Variants in MSRB3 observed in about 807,000 individuals in gnomAD.
MSRB3 encodes the protein methionine-R-sulfoxide reductase B3.
Under a neutral mutation model 21.0 loss-of-function variants are expected in MSRB3, and 13 were observed. The ratio of observed to expected loss-of-function variants is 0.62; its 90% CI spans 0.40 to 0.98. MSRB3 has a LOEUF of 0.98. MSRB3 is among the 50% of genes least tolerant of loss of function. The pLI is 0.00. For synonymous variants in MSRB3, 87 were observed against 88.6 expected (o/e 0.98, Z 0.10); for missense variants, 199 against 230.3 (o/e 0.86, Z 0.88).
intron 6 of MSRB3, among the ~76,000 whole-genome samples, chr12:65,458,013 A>G (rs1032291194): frequency 1.3e-5 from 2 of 152,192 alleles, no homozygotes; most frequent in African/African-American, 4.8e-5. Context: ...TAAAAAATCT[A>G]TTAGATGCTT....
At chr12:65,454,503 T>C (rs1421522388) in intron 6 of MSRB3, among the ~76,000 whole-genome samples, 1 of 152,164 alleles carries the variant, frequency 6.6e-6, no homozygotes, top group Non-Finnish European at 1.5e-5. Flanking sequence ...CTTGCAGTTC[T>C]GTGTACCCAC....
At chr12:65,405,046 G>A (rs1488066620) in intron 5 of MSRB3, among the ~76,000 whole-genome samples, 2 of 151,748 alleles carry the variant, frequency 1.3e-5, no homozygotes, top group Non-Finnish European at 2.9e-5. Context: ...AGCCTCCTGG[G>A]TTCAAGCAAT....
At chr12:65,313,632 C>T (rs1006682634) in intron 2 of MSRB3, among the ~76,000 whole-genome samples, 11 of 152,190 alleles carry the variant, frequency 7.2e-5, no homozygotes, top group African/African-American at 2.6e-4. Flanking sequence ...ATCTAAAACT[C>T]GGATCAGAAC....
At chr12:65,303,699 C>T (rs537339542) in intron 1 of MSRB3, among the ~76,000 whole-genome samples, 79 of 152,096 alleles carry the variant, frequency 5.2e-4, no homozygotes, top group Admixed American at 4.8e-3. Context: ...CTGTCACTGT[C>T]GTTAAGGGGT....
intron 5 of MSRB3, among the ~76,000 whole-genome samples, chr12:65,440,449 A>AAG (rs1882319631): frequency 1.3e-5 from 2 of 152,032 alleles, no homozygotes; most frequent in South Asian, 4.1e-4. Context: ...ATCAATTAAG[A>AAG]AAATTAAGAA....
In MSRB3 at chr12:65,280,778, G is replaced by A. The variant is rs542206751; in HGVS notation, c.-52+1913G>A. Among the ~76,000 whole-genome samples, 29 of 152,206 alleles carry A rather than the reference G, an allele frequency of 1.9e-4. No individual in the cohort carries two copies. The South Asian group carries it at 5.8e-3, about 30-fold the overall frequency. On this transcript the variant is annotated intron_variant, in intron 1 of 6. Coordinates refer to ENST00000308259, the MANE Select transcript of MSRB3 (RefSeq NM_001031679.3). ...ATTTTGAATCAACACACTGCTTTTT[G>A]TTTTTAAAAGTGCTTGTTCTAATAT...
intron 3 of MSRB3, among the ~76,000 whole-genome samples, chr12:65,327,382 C>G (rs1179081536): frequency 6.6e-6 from 1 of 152,184 alleles, no homozygotes; most frequent in Non-Finnish European, 1.5e-5. Flanking sequence ...ACTCCAATTT[C>G]TTTTTGAAGC....
Position 65,328,209 on chromosome 12 carries a change from C to G in MSRB3, c.186-317C>G, listed in dbSNP as rs138908408. ...CTTGCACACTGTAAAGTAGCAAAAT[C>G]TTATGTAATGTTCTTTCTGTGAATC... On this transcript the variant is annotated intron_variant, in intron 3 of 6. Coordinates refer to ENST00000308259, the MANE Select transcript of MSRB3 (RefSeq NM_001031679.3). Among the ~76,000 whole-genome samples the G allele has an allele frequency of 2.8e-3, 433 of 151,980 alleles. 1 individual carries two copies. Among genetic ancestry groups the G allele is most frequent in the African/African-American group, 9.7e-3 (401 of 41,446 alleles).
chr12:65,338,462 G>A (rs1193055923), intron 4 of MSRB3, among the ~76,000 whole-genome samples: 1 of 152,134 alleles, frequency 6.6e-6, no homozygotes, highest in Admixed American at 6.5e-5. Flanking sequence ...TACAACAATA[G>A]CATTGCTTGC....
chr12:65,335,570 A>C (rs572123862), intron 4 of MSRB3, among the ~76,000 whole-genome samples: 4 of 152,184 alleles, frequency 2.6e-5, no homozygotes, highest in Non-Finnish European at 5.9e-5. Context: ...CACCACTAAA[A>C]GAGACTTTCA....
At chr12:65,401,504 T>A (rs1427335078) in intron 5 of MSRB3, among the ~76,000 whole-genome samples, 2 of 152,236 alleles carry the variant, frequency 1.3e-5, no homozygotes, top group Non-Finnish European at 2.9e-5. Flanking sequence ...TATATGTGTC[T>A]TTGCACGTGA....
rs983911698 is a variant in MSRB3 at position 65,405,408 on chromosome 12, G to A, written c.292+36382G>A. Among the ~76,000 whole-genome samples the A allele has an allele frequency of 6.0e-5, 9 of 150,680 alleles. No individual in the cohort carries two copies. The South Asian group carries it at 6.3e-4, about 11-fold the overall frequency. On this transcript the variant is annotated intron_variant, in intron 5 of 6. Transcript: ENST00000308259. ...CAGAGTTTCTTTCTTTTTTAAGGCC[G>A]AATAGTATTCTATCATATATATATA...
chr12:65,355,299 G>T (rs1018659033), intron 4 of MSRB3, among the ~76,000 whole-genome samples: 2 of 151,732 alleles, frequency 1.3e-5, no homozygotes, highest in Admixed American at 6.6e-5. Flanking sequence ...TCAATACATG[G>T]CTGTTCTCAT....
At chr12:65,279,024 C>G (rs2136376095) in intron 1 of MSRB3, 159 bp downstream of exon 1, 2 of 1,444,368 alleles carry the variant, frequency 1.4e-6, no homozygotes, top group Admixed American at 2.6e-5. Context: ...AGAAGGGGAG[C>G]AGAAGGGTTG....
intron 5 of MSRB3, among the ~76,000 whole-genome samples, chr12:65,404,248 T>G (rs1184754291): frequency 6.6e-6 from 1 of 152,236 alleles, no homozygotes; most frequent in Non-Finnish European, 1.5e-5. Flanking sequence ...TCTGGTTAAC[T>G]TTTTTAGTGG....
chr12:65,381,432 T>C (rs1878933758), intron 5 of MSRB3, among the ~76,000 whole-genome samples: 1 of 152,164 alleles, frequency 6.6e-6, no homozygotes, highest in Non-Finnish European at 1.5e-5. Context: ...TCAACTGCAA[T>C]GTGTAGAAAA....
chr12:65,326,242 C>T (rs1220547426), intron 2 of MSRB3, among the ~76,000 whole-genome samples: 1 of 152,050 alleles, frequency 6.6e-6, no homozygotes, highest in Non-Finnish European at 1.5e-5. Context: ...AATCTTTATA[C>T]TTTGAAGGAG....
At chr12:65,342,853 TATG>T (rs1332980595) in intron 4 of MSRB3, among the ~76,000 whole-genome samples, 2 of 152,054 alleles carry the variant, frequency 1.3e-5, no homozygotes, top group Admixed American at 6.6e-5. Context: ...AGTATTAACA[TATG>T]ATCCCATATC....
intron 4 of MSRB3, among the ~76,000 whole-genome samples, chr12:65,345,514 G>T (rs1026211616): frequency 5.9e-5 from 9 of 152,044 alleles, no homozygotes; most frequent in African/African-American, 2.2e-4. Context: ...TATAATTGAC[G>T]AAATGTTGTG....
Sources: allele counts gnomAD v4.1 joint callset (sites outside exome capture counted in the v4.1 genomes callset), GRCh38; gene constraint gnomAD v4.1.1; transcripts MANE v1.5; gene names NCBI Gene and HGNC (gene_info 2026-07-23, HGNC 2026-07-21).